Variants in QRICH1 observed in about 807,000 individuals in gnomAD.
The protein encoded by QRICH1 is transcriptional regulator QRICH1.
In QRICH1, 16 loss-of-function variants were observed where a neutral mutation model predicts 87.1. That is an observed-to-expected ratio of 0.18 (90% CI 0.12 to 0.28). The LOEUF is 0.28. QRICH1 is among the 10% of genes least tolerant of loss of function. QRICH1 has a pLI of 1.00. For missense variants in QRICH1, 647 were observed against 951.7 expected, an observed-to-expected ratio of 0.68 and a Z score of 4.21; for synonymous variants, 367 against 368.4, an observed-to-expected ratio of 1.00 and a Z score of 0.05.
intron 6 of QRICH1, among the ~76,000 whole-genome samples, chr3:49,035,450 G>T (rs150921156): frequency 9.2e-5 from 14 of 152,080 alleles, no homozygotes; most frequent in Non-Finnish European, 1.8e-4. Flanking sequence ...CTCTGGGTTC[G>T]CTCTGTCACT....
chr3:49,091,235 T>A (rs1170565974), intron 1 of QRICH1, among the ~76,000 whole-genome samples: 1 of 151,682 alleles, frequency 6.6e-6, no homozygotes, highest in Non-Finnish European at 1.5e-5. Flanking sequence ...AAAATAATAA[T>A]AAAAATAAAA....
chr3:49,090,643 A>AAG lies in QRICH1; in HGVS notation c.-22+3267_-22+3268dup, dbSNP rs1489725237. On this transcript the variant is annotated intron_variant, in intron 1 of 9. Transcript: ENST00000395443. The stretch of plus-strand genomic sequence containing the variant: ...AACTCCATCTCAAAAAAAAAAAAAA[A>AAG]AGAGAAAAGAGAAAAAGAGAAAAAT... Among the ~76,000 whole-genome samples, 8 of 150,804 alleles carry AAG rather than the reference A, an allele frequency of 5.3e-5. No individual in the cohort carries two copies. In the South Asian group the frequency reaches 1.7e-3, roughly 32 times the overall value.
chr3:49,079,993 C>T (rs1010457021), intron 1 of QRICH1, among the ~76,000 whole-genome samples: 2 of 149,984 alleles, frequency 1.3e-5, no homozygotes, highest in East Asian at 3.9e-4. Context: ...CGTGCCACTG[C>T]GCTCCAGCCT....
chr3:49,032,608 C>T lies in QRICH1; in HGVS notation c.2047+14G>A. ...GTAGCACCTGTTTTTGCCATCCCTG[C>T]CTCCTTTCCCTACCTTTCTGGCCAG... is the stretch of plus-strand genomic sequence containing the variant. On this transcript the variant is annotated intron_variant, in intron 8 of 9. Coordinates refer to ENST00000395443, the MANE Select transcript of QRICH1 (RefSeq NM_198880.3). 6.4e-7 allele frequency: 1 copy of T among 1,555,076 alleles called. No individual in the cohort carries two copies. The highest frequency in any genetic ancestry group is 8.7e-7 in the Non-Finnish European group (1 of 1,150,328).
At chr3:49,094,263 G>C, upstream of QRICH1, 1 of 378,740 alleles carries the variant, frequency 2.6e-6, no homozygotes, top group Non-Finnish European at 4.7e-6. Flanking sequence ...ATGTGGGGCG[G>C]AGCTAGGGCC....
rs1575382614 is a variant in QRICH1 at position 49,084,517 on chromosome 3, G to C, written c.-21-7479C>G. The stretch of plus-strand genomic sequence containing the variant: ...CGATCCACAGCATCGGTCTCCCAAA[G>C]TGCTAGGATTACAGGCGTGAGCCAT... On this transcript the variant is annotated intron_variant, in intron 1 of 9. Coordinates refer to ENST00000395443, the MANE Select transcript of QRICH1 (RefSeq NM_198880.3). Among the ~76,000 whole-genome samples the C allele has an allele frequency of 3.3e-5, 5 of 152,242 alleles. No homozygotes were observed. The South Asian group carries it at 8.3e-4, about 25-fold the overall frequency.
At chr3:49,066,548 T>A (rs1458147201) in intron 2 of QRICH1, among the ~76,000 whole-genome samples, 1 of 150,954 alleles carries the variant, frequency 6.6e-6, no homozygotes, top group African/African-American at 2.4e-5. Flanking sequence ...CACTGCAACC[T>A]CCTCCTCCCG....
chr3:49,047,271 G>A (rs374886578), intron 3 of QRICH1, 25 bp from the exon 4 acceptor site: 371 of 1,589,358 alleles, frequency 2.3e-4, no homozygotes, highest in Non-Finnish European at 3.0e-4. Context: ...CCATGAAAAT[G>A]TGTCAATATT....
rs771145501 is a variant in QRICH1, at chr3:49,057,612, C to T, written c.588G>A (p.Gln196=). Residue 196 remains glutamine, a synonymous_variant, in exon 3 of 10, where the codon CAG becomes CAA. Transcript: ENST00000395443. This position sits in a 1 kb window ranked among gnomAD's most constrained non-coding sequence, Gnocchi z 5.4. The stretch of plus-strand genomic sequence containing the variant: ...GAGACTGGCCAGCCACCAGCTGAGC[C>T]TGGATTTGCTGATGTGGGATGTGCT... ...PEEHIPHQQI[Q]AQLVAGQSLA... is the part of the protein sequence containing the mutation. 1.9e-6 allele frequency: 3 copies of T among 1,614,162 alleles called. No individual in the cohort carries two copies. Among genetic ancestry groups the T allele is most frequent in the Non-Finnish European group, 2.5e-6 (3 of 1,180,010 alleles).
At chr3:49,079,478 A>T (rs1466857906) in intron 1 of QRICH1, among the ~76,000 whole-genome samples, 3 of 148,070 alleles carry the variant, frequency 2.0e-5, no homozygotes, top group Non-Finnish European at 4.5e-5. Flanking sequence ...TTTTACATAA[A>T]TATAAAAATA....
rs182503078 is a variant in QRICH1, at chr3:49,061,797, G to A, written c.310-3907C>T. On this transcript the variant is annotated intron_variant, in intron 2 of 9. Coordinates refer to ENST00000395443, the MANE Select transcript of QRICH1 (RefSeq NM_198880.3). ...ACCCAGGAGGTGGGGGTTGCAGTGA[G>A]CCGAGATTGCACCACTGCACCACAG... 6.9e-4 allele frequency among the ~76,000 whole-genome samples: 105 copies of A among 152,226 alleles called. No homozygotes were observed. The Middle Eastern group carries it at 0.01, about 15-fold the overall frequency.
intron 2 of QRICH1, among the ~76,000 whole-genome samples, chr3:49,065,365 G>A (rs570756101): frequency 2.0e-5 from 3 of 152,244 alleles, no homozygotes; most frequent in Middle Eastern, 3.4e-3. Context: ...GGCTGTTCTC[G>A]AACGCCTGAC....
At chr3:49,091,072 A>C (rs956933467) in intron 1 of QRICH1, among the ~76,000 whole-genome samples, 4 of 151,950 alleles carry the variant, frequency 2.6e-5, no homozygotes, top group African/African-American at 9.7e-5. Flanking sequence ...AAATACAAAA[A>C]ATGAGACAGG....
chr3:49,052,269 C>T (rs562026711), intron 3 of QRICH1, among the ~76,000 whole-genome samples: 7 of 152,124 alleles, frequency 4.6e-5, no homozygotes, highest in South Asian at 4.1e-4. Flanking sequence ...AACAACTAGG[C>T]GGAGAGCAGC....
At chr3:49,039,409 G>C (rs961003947) in intron 6 of QRICH1, among the ~76,000 whole-genome samples, 1 of 149,306 alleles carries the variant, frequency 6.7e-6, no homozygotes, top group African/African-American at 2.5e-5. Flanking sequence ...GGCTGGGCCC[G>C]GTGGCTCATG....
intron 6 of QRICH1, 53 bp from the exon 7 acceptor site, chr3:49,033,281 A>G: frequency 1.7e-6 from 2 of 1,169,370 alleles, no homozygotes; most frequent in Non-Finnish European, 2.4e-6. Flanking sequence ...GGTCTCTCAA[A>G]GGTACAATAT....
At chr3:49,077,203 T>C (rs2041967970) in intron 1 of QRICH1, among the ~76,000 whole-genome samples, 165 bp from the exon 2 acceptor site, 1 of 152,196 alleles carries the variant, frequency 6.6e-6, no homozygotes, top group Admixed American at 6.6e-5. Context: ...TAATGGATGT[T>C]TGAAAATTAT....
At chr3:49,063,422 T>C (rs1310181523) in intron 2 of QRICH1, among the ~76,000 whole-genome samples, 2 of 152,232 alleles carry the variant, frequency 1.3e-5, no homozygotes, top group Non-Finnish European at 1.5e-5. Flanking sequence ...ACTAGGGCTA[T>C]ATGCCAAAGA....
At chr3:49,083,344 G>A (rs1423105644) in intron 1 of QRICH1, 2 of 151,930 alleles carry the variant, frequency 1.3e-5, no homozygotes, top group East Asian at 1.9e-4. Flanking sequence ...CCAATCGGGT[G>A]TCCACACTAA....
Sources: gnomAD v4.1 joint callset for allele counts (sites outside exome capture counted in the v4.1 genomes callset) on GRCh38, gnomAD v4.1.1 for gene constraint, Gnocchi (gnomAD v3.1) non-coding constraint, MANE v1.5 for transcripts, NCBI Gene and HGNC (gene_info 2026-07-23, HGNC 2026-07-21) for gene names.